The following TUSC3 variants were observed in gnomAD, a reference collection of about 807,000 sequenced individuals.
TUSC3 encodes the protein dolichyl-diphosphooligosaccharide--protein glycosyltransferase subunit TUSC3.
A neutral mutation model predicts 44.8 loss-of-function variants in TUSC3; 45 were observed. That is an observed-to-expected ratio of 1.00 (90% CI 0.79 to 1.29). The LOEUF (loss-of-function observed/expected upper bound fraction) is 1.29. Among genes scored for constraint, TUSC3 ranks in the 50% most tolerant of loss-of-function variants. The pLI, the probability that TUSC3 is intolerant of heterozygous loss-of-function variation, is 0.00. For synonymous variants in TUSC3, 212 were observed against 152.9 expected, an observed-to-expected ratio of 1.39 and a Z score of -2.85; for missense variants, 519 against 437.9, an observed-to-expected ratio of 1.19 and a Z score of -1.65.
At chr8:15,683,699 C>A (rs1013851731) in intron 6 of TUSC3, among the ~76,000 whole-genome samples, 6 of 152,134 alleles carry the variant, frequency 3.9e-5, no homozygotes, top group Non-Finnish European at 7.3e-5. Context: ...TTGGATATTA[C>A]AAAACACTGA....
intron 1 of TUSC3, among the ~76,000 whole-genome samples, chr8:15,606,151 T>A (rs1421376326): frequency 6.6e-6 from 1 of 151,938 alleles, no homozygotes; most frequent in East Asian, 1.9e-4. Context: ...AAAAGTTGAG[T>A]TGCTTGATAG....
At chr8:15,847,596 G>A in the TUSC3 span, among the ~76,000 whole-genome samples, 160 of 152,184 alleles carry the variant, frequency 1.1e-3, 2 homozygotes, top group African/African-American at 3.8e-3. Context: ...GAAAGGGTAG[G>A]GATTTTAAAG....
intron 2 of TUSC3, among the ~76,000 whole-genome samples, chr8:15,491,714 A>T (rs1227955022): frequency 6.6e-6 from 1 of 152,112 alleles, no homozygotes; most frequent in Non-Finnish European, 1.5e-5. Flanking sequence ...CCATCTGGGA[A>T]CCTTGTACGA....
intron 2 of TUSC3, among the ~76,000 whole-genome samples, chr8:15,491,324 G>A (rs1800806352): frequency 6.6e-6 from 1 of 152,122 alleles, no homozygotes; most frequent in Non-Finnish European, 1.5e-5. Flanking sequence ...ATTTCCCTGT[G>A]AGTAATACGT....
intron 1 of TUSC3, among the ~76,000 whole-genome samples, chr8:15,542,311 C>T (rs1310617240): frequency 2.0e-5 from 3 of 152,020 alleles, no homozygotes; most frequent in African/African-American, 4.8e-5. Context: ...CTCCAGGTGG[C>T]AGACTTCAGA....
chr8:15,447,040 C>T (rs1455313764), intron 1 of TUSC3, among the ~76,000 whole-genome samples: 1 of 151,180 alleles, frequency 6.6e-6, no homozygotes, highest in Non-Finnish European at 1.5e-5. Context: ...AATACTGTTT[C>T]CCAAATGCAG....
chr8:15,564,230 A>G (rs948782295), intron 1 of TUSC3, among the ~76,000 whole-genome samples: 2 of 152,118 alleles, frequency 1.3e-5, no homozygotes, highest in African/African-American at 2.4e-5. Context: ...GAGGTTATTA[A>G]TATTATGGAG....
At chr8:15,662,746 T>A (rs1585205368) in intron 5 of TUSC3, among the ~76,000 whole-genome samples, 1 of 151,902 alleles carries the variant, frequency 6.6e-6, no homozygotes. Flanking sequence ...CTGTGAGAAA[T>A]GCATTGTGGG....
intron 2 of TUSC3, among the ~76,000 whole-genome samples, chr8:15,644,218 C>A (rs1806517852): frequency 6.6e-6 from 1 of 152,100 alleles, no homozygotes; most frequent in South Asian, 2.1e-4. Context: ...TTTACTATAA[C>A]ACATTTAACA....
intron 1 of TUSC3, among the ~76,000 whole-genome samples, chr8:15,461,859 A>C (rs1800349971): frequency 6.6e-6 from 1 of 152,028 alleles, no homozygotes; most frequent in South Asian, 2.1e-4. Context: ...AATAATATAC[A>C]ATTTTATTTT....
intron 1 of TUSC3, among the ~76,000 whole-genome samples, chr8:15,461,604 C>T (rs970755416): frequency 6.6e-6 from 1 of 151,920 alleles, no homozygotes; most frequent in East Asian, 1.9e-4. Context: ...GCATCCTTGT[C>T]TTTTTCCAGT....
At chr8:15,673,006 A>G (rs1360435112) in intron 5 of TUSC3, among the ~76,000 whole-genome samples, 2 of 152,070 alleles carry the variant, frequency 1.3e-5, no homozygotes, top group Non-Finnish European at 2.9e-5. Flanking sequence ...AAGGAGTCCC[A>G]GTTCATTAAC....
chr8:15,624,140 A>G lies in TUSC3; in HGVS notation c.308+891A>G, dbSNP rs139937933. 5.8e-3 allele frequency among the ~76,000 whole-genome samples: 886 copies of G among 152,306 alleles called. 7 individuals are homozygous for G. The highest frequency in any genetic ancestry group is 0.02 in the African/African-American group (823 of 41,572). Reference sequence around the variant, plus strand: ...CCTAAAAAAATACGTCCAAGTTGTTATATTTATCAATAATTATTTTTTTAA... The same window carrying G: ...CCTAAAAAAATACGTCCAAGTTGTTGTATTTATCAATAATTATTTTTTTAA... On this transcript the variant is annotated intron_variant, in intron 2 of 10. Transcript: ENST00000503731.
rs143457327 is a variant in TUSC3 at position 15,625,935 on chromosome 8, C to G, written c.308+2686C>G. ...CTTGAGAGTGTATAAACACTATTGT[C>G]AGAATTGGGCTAGCACATAAGGATA... is the stretch of plus-strand genomic sequence containing the variant. On this transcript the variant is annotated intron_variant, in intron 2 of 10. Transcript: ENST00000503731. 5.3e-3 allele frequency among the ~76,000 whole-genome samples: 810 copies of G among 152,258 alleles called. 1 individual carries two copies. Among genetic ancestry groups the G allele is most frequent in the African/African-American group, 0.018 (731 of 41,548 alleles).
intron 1 of TUSC3, among the ~76,000 whole-genome samples, chr8:15,547,413 A>T (rs1801906498): frequency 6.6e-6 from 1 of 151,704 alleles, no homozygotes; most frequent in Non-Finnish European, 1.5e-5. Flanking sequence ...AAAGGTCATA[A>T]ATTGTGAAAT....
intron 6 of TUSC3, among the ~76,000 whole-genome samples, chr8:15,686,593 G>A (rs1236487269): frequency 1.3e-5 from 2 of 151,754 alleles, no homozygotes; most frequent in Non-Finnish European, 2.9e-5. Context: ...GTCTTTGAGA[G>A]TCATTAAGGA....
chr8:15,700,849 C>CTTTTTT (rs71211076), intron 6 of TUSC3, among the ~76,000 whole-genome samples: 9 of 90,528 alleles, frequency 9.9e-5, no homozygotes, highest in South Asian at 8.8e-4. Flanking sequence ...ATGGCTGGAG[C>CTTTTTT]TTTTTTTTTT....
chr8:15,750,569 A>C (rs1811654657), intron 9 of TUSC3, among the ~76,000 whole-genome samples: 1 of 151,852 alleles, frequency 6.6e-6, no homozygotes, highest in Non-Finnish European at 1.5e-5. Context: ...TAGTATAATA[A>C]CTCTCTACTG....
the TUSC3 span, among the ~76,000 whole-genome samples, chr8:15,786,813 G>A: frequency 6.6e-6 from 1 of 151,588 alleles, no homozygotes; most frequent in African/African-American, 2.4e-5. Flanking sequence ...GTGTGGTGGT[G>A]GGCGCCTGTA....
Sources: allele counts gnomAD v4.1 joint callset (sites outside exome capture counted in the v4.1 genomes callset), GRCh38; gene constraint gnomAD v4.1.1; transcripts MANE v1.5; gene names NCBI Gene and HGNC (gene_info 2026-07-23, HGNC 2026-07-21).